The following DPP4 variants were observed in gnomAD, a reference collection of about 807,000 sequenced individuals.
DPP4 encodes the protein dipeptidyl peptidase 4, also known as ADCP-2.
DPP4 carries 93 observed loss-of-function variants against 122.4 expected under a neutral mutation model. The observed-to-expected ratio is 0.76, with a 90% confidence interval of 0.64 to 0.90. The LOEUF (loss-of-function observed/expected upper bound fraction) is 0.90. Among genes scored for constraint, DPP4 ranks in the 40% least tolerant of loss-of-function variants. DPP4 has a pLI of 0.00. For synonymous variants in DPP4, 321 were observed against 302.9 expected, an observed-to-expected ratio of 1.06 and a Z score of -0.62; for missense variants, 914 against 907.3, an observed-to-expected ratio of 1.01 and a Z score of -0.09.
At position 162,065,998 on chromosome 2, in the gene DPP4, G is replaced by C. The variant is rs111917367; in HGVS notation, c.94+7401C>G. Among the ~76,000 whole-genome samples, 43 of 152,242 alleles carry C rather than the reference G, an allele frequency of 2.8e-4. 1 individual carries two copies. Among genetic ancestry groups the C allele is most frequent in the African/African-American group, 1.0e-3 (43 of 41,538 alleles). On this transcript the variant is annotated intron_variant, in intron 2 of 25. Coordinates refer to ENST00000360534, the MANE Select transcript of DPP4 (RefSeq NM_001935.4). Reference sequence around the variant, plus strand: ...ACCTTCTGTCAACAAATCTGTGCTGGGTGAATATGAAGTAGGAGGTGTTCC... The same window carrying C: ...ACCTTCTGTCAACAAATCTGTGCTGCGTGAATATGAAGTAGGAGGTGTTCC...
intron 2 of DPP4, among the ~76,000 whole-genome samples, chr2:162,060,878 CCTCTTTCTTTCCTTCCTTCCTCCT>C (rs1243367780): frequency 6.6e-6 from 1 of 151,358 alleles, no homozygotes; most frequent in Non-Finnish European, 1.5e-5. Context: ...TCCTTCCTTC[CCTCTTTCTTTCCTTCCTTCCTCCT>C]CCCTCCCTCC....
intron 11 of DPP4, among the ~76,000 whole-genome samples, chr2:162,023,860 C>T (rs953521934): frequency 6.6e-6 from 1 of 152,152 alleles, no homozygotes; most frequent in Non-Finnish European, 1.5e-5. Context: ...TAAGTGGCAG[C>T]TTTTATTATT....
intron 2 of DPP4, among the ~76,000 whole-genome samples, chr2:162,059,273 C>T (rs530203641): frequency 2.6e-5 from 4 of 152,172 alleles, no homozygotes; most frequent in African/African-American, 7.2e-5. Context: ...TATAGTCACT[C>T]CCTCTTTTCT....
Position 161,995,330 on chromosome 2 carries a change from C to A in DPP4, c.2095G>T (p.Glu699Ter). ...GCTGTTCCATGAATAAGGAGGTACT[C>A]AACTTGTTTAAAATTTTCAGCTCTG... ...MSRAENFKQV[E>*]YLLIHGTADD... Residue 699 changes from glutamate to a stop codon, truncating the protein, a stop_gained, in exon 24 of 26, where the codon GAG (glutamate) becomes TAG (stop). Transcript: ENST00000360534. LOFTEE classifies it high-confidence loss of function. 1 of 1,614,026 alleles carries A rather than the reference C, an allele frequency of 6.2e-7. No homozygotes were observed. The highest frequency in any genetic ancestry group is 8.5e-7 in the Non-Finnish European group (1 of 1,179,956).
At chr2:162,012,073 A>G in intron 19 of DPP4, 86 bp from the exon 20 acceptor site, 2 of 1,321,964 alleles carry the variant, frequency 1.5e-6, no homozygotes, top group Non-Finnish European at 1.0e-6. Context: ...GTGGAGAAGT[A>G]TGCATCCTTC....
chr2:162,033,334 T>C (rs1262653157), intron 10 of DPP4, among the ~76,000 whole-genome samples: 1 of 152,144 alleles, frequency 6.6e-6, no homozygotes, highest in African/African-American at 2.4e-5. Context: ...GGCTGCTCTG[T>C]CCATTGTCAT....
intron 2 of DPP4, among the ~76,000 whole-genome samples, chr2:162,049,458 C>T (rs1226376933): frequency 1.3e-5 from 2 of 151,564 alleles, no homozygotes; most frequent in African/African-American, 4.8e-5. Context: ...CGAGGAACAA[C>T]CAACACTGAG....
intron 2 of DPP4, among the ~76,000 whole-genome samples, chr2:162,051,475 GA>G (rs562401040): frequency 2.0e-5 from 3 of 152,196 alleles, no homozygotes; most frequent in Non-Finnish European, 4.4e-5. Flanking sequence ...AATGGCTAAT[GA>G]AATACATCTC....
intron 2 of DPP4, among the ~76,000 whole-genome samples, chr2:162,057,510 C>T (rs1407922992): frequency 6.6e-6 from 1 of 152,154 alleles, no homozygotes; most frequent in Non-Finnish European, 1.5e-5. Context: ...TCCTCCTTTC[C>T]TCCTTCTTGC....
chr2:162,042,389 T>C (rs1260662284), intron 5 of DPP4, among the ~76,000 whole-genome samples: 1 of 152,166 alleles, frequency 6.6e-6, no homozygotes, highest in African/African-American at 2.4e-5. Context: ...GGGGTACTTA[T>C]CCACTCACTC....
chr2:162,003,118 T>C (rs1004789535), intron 23 of DPP4, among the ~76,000 whole-genome samples: 1 of 152,204 alleles, frequency 6.6e-6, no homozygotes, highest in African/African-American at 2.4e-5. Flanking sequence ...ACCCGACTCC[T>C]GGCGTGGAAG....
At chr2:162,028,378 G>A (rs1202235492) in intron 10 of DPP4, among the ~76,000 whole-genome samples, 2 of 152,028 alleles carry the variant, frequency 1.3e-5, no homozygotes, top group Non-Finnish European at 2.9e-5. Context: ...AATAAATAAA[G>A]CCAATGGCTC....
intron 23 of DPP4, among the ~76,000 whole-genome samples, chr2:161,996,590 T>C (rs1701011435): frequency 6.6e-6 from 1 of 152,238 alleles, no homozygotes; most frequent in East Asian, 1.9e-4. Flanking sequence ...CTTTGATTTC[T>C]ATAAGATTGG....
At chr2:162,016,965 A>AC in intron 17 of DPP4, 99 bp from the exon 18 acceptor site, 1 of 1,408,350 alleles carries the variant, frequency 7.1e-7, no homozygotes, top group South Asian at 1.3e-5. Context: ...TGATCGGACT[A>AC]CACATACTTC....
chr2:162,062,974 A>G (rs1228886324), intron 2 of DPP4, among the ~76,000 whole-genome samples: 1 of 149,032 alleles, frequency 6.7e-6, no homozygotes, highest in Non-Finnish European at 1.5e-5. Flanking sequence ...AGAATACACC[A>G]TAGGGAAGTA....
At chr2:162,047,693 G>A (rs1684237173) in intron 2 of DPP4, among the ~76,000 whole-genome samples, 192 bp from the exon 3 acceptor site, 1 of 152,176 alleles carries the variant, frequency 6.6e-6, no homozygotes, top group African/African-American at 2.4e-5. Flanking sequence ...ACTATGAAGT[G>A]TGTGAGAGTG....
At chr2:162,035,619 A>T (rs972183093) in intron 8 of DPP4, among the ~76,000 whole-genome samples, 5 of 152,214 alleles carry the variant, frequency 3.3e-5, no homozygotes, top group Admixed American at 2.6e-4. Flanking sequence ...CTCTAAATTT[A>T]TGCCTCAAAA....
In DPP4 at chr2:161,994,988, G is replaced by C. The variant is rs1401005829; in HGVS notation, c.2172C>G (p.Val724=). ...QQSAQISKAL[V]DVGVDFQAMW... ...TTGCCTGGAAATCCACTCCAACATC[G>C]ACCAGGGCTTTGGAGATCTGAGCTG... is the stretch of plus-strand genomic sequence containing the variant. The change falls in exon 25 of 26, where the codon GTC becomes GTG. Residue 724 remains valine, a synonymous_variant. Transcript: ENST00000360534. 2 of 1,613,772 alleles carry C rather than the reference G, an allele frequency of 1.2e-6. No homozygotes were observed. The highest frequency in any genetic ancestry group is 1.3e-5 in the African/African-American group (1 of 74,856).
chr2:162,020,006 G>A (rs1010544486), intron 14 of DPP4, among the ~76,000 whole-genome samples: 1 of 152,188 alleles, frequency 6.6e-6, no homozygotes, highest in Non-Finnish European at 1.5e-5. Flanking sequence ...GTAATGTAAA[G>A]CAGGTAAGAG....
Sources: allele counts gnomAD v4.1 joint callset (sites outside exome capture counted in the v4.1 genomes callset), GRCh38; gene constraint gnomAD v4.1.1; transcripts MANE v1.5; gene names NCBI Gene and HGNC (gene_info 2026-07-23, HGNC 2026-07-21).